The following SMARCA1 variants were observed in gnomAD, a reference collection of about 807,000 sequenced individuals.
SMARCA1 encodes SWI/SNF-related matrix-associated actin-dependent regulator of chromatin subfamily A member 1.
SMARCA1 carries 17 observed loss-of-function variants against 93.6 expected under a neutral mutation model. The observed-to-expected ratio is 0.18, with a 90% CI of 0.12 to 0.27. The LOEUF (loss-of-function observed/expected upper bound fraction) is 0.27. Among genes scored for constraint, SMARCA1 ranks in the 10% least tolerant of loss-of-function variants. The pLI is 1.00. For missense variants in SMARCA1, 630 were observed against 819.0 expected, an observed-to-expected ratio of 0.77 and a Z score of 2.82; for synonymous variants, 271 against 271.4, an observed-to-expected ratio of 1.00 and a Z score of 0.01.
chrX:129,504,751 C>T lies in SMARCA1; in HGVS notation c.1150G>A (p.Val384Met), dbSNP rs966945196. Residue 384 changes from valine (V) to methionine (M), a missense_variant, in exon 9 of 25, where the codon GTG becomes ATG. Coordinates refer to ENST00000371121, the MANE Select transcript of SMARCA1 (RefSeq NM_001282874.2). ...TKNCLGDQKL[V>M]ERLHAVLKPF... is the part of the protein sequence containing the mutation. The stretch of plus-strand genomic sequence containing the variant: ...TTACTTACTGCATGAAGTCTTTCCA[C>T]GAGTTTTTGATCACCAAGACAATTT... The T allele has an allele frequency of 1.3e-5, 16 of 1,195,462 alleles. No homozygotes were observed. Among genetic ancestry groups the T allele is most frequent in the Admixed American group, 4.4e-5 (2 of 45,376 alleles).
chrX:129,498,049 C>A lies in SMARCA1; in HGVS notation c.1300G>T (p.Asp434Tyr). 8.5e-7 allele frequency: 1 copy of A among 1,180,672 alleles called. No individual in the cohort carries two copies. Among genetic ancestry groups the A allele is most frequent in the Non-Finnish European group, 1.2e-6 (1 of 867,384 alleles). Residue 434 changes from aspartate (D) to tyrosine (Y), a missense_variant, in exon 11 of 25, where the codon GAT becomes TAT. Around this residue, in one of 4 missense-constraint regions of SMARCA1, gnomAD observed 382 missense variants for 537.9 expected, o/e 0.71. Coordinates refer to ENST00000371121, the MANE Select transcript of SMARCA1 (RefSeq NM_001282874.2). ...REWYTKILMK[D>Y]IDVLNSSGKM... ...CCAGAAGAGTTTAAAACATCAATATCTTTCATCAGGATTTTTGTATACCTA... is the reference window on the plus strand; with the variant it reads ...CCAGAAGAGTTTAAAACATCAATATATTTCATCAGGATTTTTGTATACCTA...
At chrX:129,465,380 A>G (rs1932884267) in intron 23 of SMARCA1, 140 bp downstream of exon 23, 1 of 433,301 alleles carries the variant, frequency 2.3e-6, no homozygotes, top group East Asian at 3.6e-5. Context: ...ACGTATGTAT[A>G]CACATACACA....
intron 10 of SMARCA1, 30 bp downstream of exon 10, chrX:129,499,702 A>G (rs1934478530): frequency 4.8e-6 from 4 of 827,324 alleles, no homozygotes; most frequent in African/African-American, 2.0e-5. Flanking sequence ...TTACACACAA[A>G]TAAGTTTTAA....
At chrX:129,490,012 A>G in intron 15 of SMARCA1, 48 bp downstream of exon 15, 1 of 971,665 alleles carries the variant, frequency 1.0e-6, no homozygotes, top group Non-Finnish European at 1.4e-6. Context: ...GAAGAAAACT[A>G]CATGTGTTTT....
intron 5 of SMARCA1, among the ~76,000 whole-genome samples, chrX:129,512,363 C>A (rs759778248): frequency 1.8e-5 from 2 of 111,879 alleles, no homozygotes; most frequent in East Asian, 5.6e-4. Context: ...TGCCAGCCTG[C>A]TTAGATACTG....
intron 23 of SMARCA1, among the ~76,000 whole-genome samples, chrX:129,459,280 G>A (rs753140741): frequency 9.0e-6 from 1 of 111,296 alleles, no homozygotes; most frequent in Non-Finnish European, 1.9e-5. Context: ...TCAGCTGGGC[G>A]TGGTGACACA....
intron 9 of SMARCA1, among the ~76,000 whole-genome samples, chrX:129,500,842 G>A (rs972320129): frequency 6.3e-5 from 7 of 111,812 alleles, no homozygotes; most frequent in East Asian, 2.8e-4. Context: ...GCGGTCCATC[G>A]TTGACCATAA....
intron 19 of SMARCA1, among the ~76,000 whole-genome samples, chrX:129,474,602 T>C (rs868569329): frequency 2.8e-4 from 32 of 112,316 alleles, no homozygotes; most frequent in African/African-American, 1.0e-3. Flanking sequence ...GTGGTCATAT[T>C]AATTAACATA....
At chrX:129,463,659 T>A (rs1026665212) in intron 23 of SMARCA1, among the ~76,000 whole-genome samples, 1 of 111,973 alleles carries the variant, frequency 8.9e-6, no homozygotes, top group African/African-American at 3.2e-5. Flanking sequence ...TCATGTTTGC[T>A]GGGCGCGGTG....
At chrX:129,448,309 T>C (rs377501295) in intron 24 of SMARCA1, 24 bp downstream of exon 24, 39 of 1,199,000 alleles carry the variant, frequency 3.3e-5, no homozygotes, top group Non-Finnish European at 4.4e-5. Flanking sequence ...TACCTAAAAG[T>C]TAGGAAAATG....
chrX:129,479,513 G>A (rs950362029), intron 19 of SMARCA1, among the ~76,000 whole-genome samples: 6 of 109,686 alleles, frequency 5.5e-5, no homozygotes, highest in African/African-American at 2.0e-4. Flanking sequence ...TATATACATG[G>A]AGCTTTTCTA....
intron 18 of SMARCA1, 45 bp downstream of exon 18, chrX:129,481,030 A>G: frequency 1.2e-6 from 1 of 834,479 alleles, no homozygotes; most frequent in Non-Finnish European, 1.8e-6. Context: ...ATGTTGCAAC[A>G]GAAATCTACT....
At chrX:129,483,626 T>C (rs1933777351) in intron 17 of SMARCA1, among the ~76,000 whole-genome samples, 2 of 112,220 alleles carry the variant, frequency 1.8e-5, no homozygotes, top group Non-Finnish European at 3.8e-5. Flanking sequence ...CTATTTAACC[T>C]ATACTTGTTT....
rs1402165236 is a variant in SMARCA1 at position 129,521,810 on chromosome X, T to C, written c.174+1387A>G. 3.6e-5 allele frequency among the ~76,000 whole-genome samples: 4 copies of C among 112,585 alleles called. 1 individual carries two copies. Among genetic ancestry groups the C allele is most frequent in the South Asian group, 7.3e-4 (2 of 2,740 alleles). Reference sequence around the variant, plus strand: ...TCCAAGTACCGCGTAGATCTTACAATGTGTATGTTTTCTACGGTTTTCATT... The same window carrying C: ...TCCAAGTACCGCGTAGATCTTACAACGTGTATGTTTTCTACGGTTTTCATT... On this transcript the variant is annotated intron_variant, in intron 1 of 24. Transcript: ENST00000371121.
rs748587426 is a variant in SMARCA1, at chrX:129,511,319, C to A, written c.810+485G>T. ...CTATGCATAAACACAAAACACGAGG[C>A]TCTCTGTACATATAGAAGAGGTTCC... On this transcript the variant is annotated intron_variant, in intron 6 of 24. Transcript: ENST00000371121. Among the ~76,000 whole-genome samples the A allele has an allele frequency of 4.5e-5, 5 of 111,632 alleles. No individual in the cohort carries two copies. The South Asian group carries it at 1.9e-3, about 42-fold the overall frequency.
intron 1 of SMARCA1, among the ~76,000 whole-genome samples, chrX:129,520,552 T>A (rs763734526): frequency 2.7e-5 from 3 of 110,099 alleles, no homozygotes; most frequent in Non-Finnish European, 3.8e-5. Flanking sequence ...TGGCTTCCCA[T>A]GTCACCGAGA....
chrX:129,519,930 C>A (rs1461444420), intron 1 of SMARCA1, among the ~76,000 whole-genome samples: 1 of 111,472 alleles, frequency 9.0e-6, no homozygotes, highest in Non-Finnish European at 1.9e-5. Context: ...GTGGGAAGTA[C>A]ACTTACAGAA....
At position 129,471,231 on chromosome X, in the gene SMARCA1, A is replaced by G; in HGVS notation, c.2538T>C (p.Thr846=). The change falls in exon 20 of 25, where the codon ACT becomes ACC. Residue 846 remains threonine (T), a synonymous_variant. Transcript: ENST00000371121. ...GTGTGAGAAGTTTTTCCTTTTCTTC[A>G]GTCTCTTCTGGTGTAAGAGGTTCAG... ...DGAEPLTPEE[T]EEKEKLLTQG... is the part of the protein sequence containing the mutation. 8.4e-7 allele frequency: 1 copy of G among 1,197,132 alleles called. No homozygotes were observed. Among genetic ancestry groups the G allele is most frequent in the African/African-American group, 1.7e-5 (1 of 57,179 alleles).
intron 7 of SMARCA1, 65 bp downstream of exon 7, chrX:129,507,876 C>T (rs1971812845): frequency 2.7e-6 from 2 of 739,618 alleles, no homozygotes; most frequent in Admixed American, 7.7e-5. Flanking sequence ...ATTCTGAATA[C>T]AGAAAAGTGA....
Sources: allele counts gnomAD v4.1 joint callset (sites outside exome capture counted in the v4.1 genomes callset), GRCh38; gene constraint gnomAD v4.1.1; regional missense constraint gnomAD v4.1.1; transcripts MANE v1.5; gene names NCBI Gene and HGNC (gene_info 2026-07-23, HGNC 2026-07-21).